HS3ST4: variants seen among roughly 807,000 people sequenced by gnomAD.
HS3ST4 encodes the protein heparan sulfate glucosamine 3-O-sulfotransferase 4.
Under a neutral mutation model 29.2 loss-of-function variants are expected in HS3ST4, and 17 were observed. The observed-to-expected ratio is 0.58, with a 90% CI of 0.40 to 0.87. HS3ST4 has a LOEUF of 0.87. Ranked by LOEUF, HS3ST4 falls within the 40% of genes least tolerant of loss-of-function variation. The pLI is 0.00. For synonymous variants in HS3ST4, 314 were observed against 285.7 expected (o/e 1.10, Z -1.00); for missense variants, 627 against 634.5 (o/e 0.99, Z 0.13).
intron 1 of HS3ST4, among the ~76,000 whole-genome samples, chr16:25,896,166 A>G (rs1968062177): frequency 6.6e-6 from 1 of 152,240 alleles, no homozygotes; most frequent in Non-Finnish European, 1.5e-5. Flanking sequence ...TACCACAAAC[A>G]TGACTATGAA....
chr16:26,036,501 C>T (rs1027766371), intron 1 of HS3ST4, among the ~76,000 whole-genome samples: 2 of 152,224 alleles, frequency 1.3e-5, no homozygotes, highest in Non-Finnish European at 2.9e-5. Context: ...GTGTTTTTCT[C>T]ACCCACCTGC....
intron 1 of HS3ST4, among the ~76,000 whole-genome samples, chr16:26,126,037 G>A (rs1899339261): frequency 6.6e-6 from 1 of 152,156 alleles, no homozygotes; most frequent in South Asian, 2.1e-4. Context: ...AACCTGGCTT[G>A]AAATTCATGT....
At chr16:25,903,159 C>T (rs962513272) in intron 1 of HS3ST4, among the ~76,000 whole-genome samples, 2 of 151,818 alleles carry the variant, frequency 1.3e-5, no homozygotes, top group Non-Finnish European at 2.9e-5. Context: ...ACTCCTTGCA[C>T]TGTGACATTA....
chr16:25,963,307 C>T (rs1041358505), intron 1 of HS3ST4, among the ~76,000 whole-genome samples: 1 of 152,142 alleles, frequency 6.6e-6, no homozygotes, highest in Non-Finnish European at 1.5e-5. Flanking sequence ...TTCCTGATAG[C>T]TGAATGTCAA....
chr16:25,714,314 G>A (rs967459445), intron 1 of HS3ST4, among the ~76,000 whole-genome samples: 3 of 152,182 alleles, frequency 2.0e-5, no homozygotes, highest in African/African-American at 7.2e-5. Context: ...AGCCGGCTGT[G>A]TCTCCTCCCC....
Position 25,692,859 on chromosome 16 carries a change from G to A in HS3ST4, c.442G>A (p.Glu148Lys). Reference protein sequence around the residue: ...AWLRTPLAPSEMITAQSALPE... With the variant: ...AWLRTPLAPSKMITAQSALPE... The stretch of plus-strand genomic sequence containing the variant: ...GCTCCGGACCCCGCTGGCCCCCAGC[G>A]AGATGATCACGGCTCAGAGCGCGCT... Residue 148 changes from glutamate (E) to lysine (K), a missense_variant, in exon 1 of 2, where the codon GAG (glutamate) becomes AAG (lysine). By Grantham distance (56) the Glu-to-Lys change is moderately conservative (BLOSUM62 1). This residue lies in a region of HS3ST4 where 402 missense variants were observed against 340.8 expected (regional missense o/e 1.18). Coordinates refer to ENST00000331351, the MANE Select transcript of HS3ST4 (RefSeq NM_006040.3). 2.0e-5 allele frequency: 29 copies of A among 1,485,844 alleles called. No individual in the cohort carries two copies. Among genetic ancestry groups the A allele is most frequent in the Non-Finnish European group, 2.4e-5 (27 of 1,117,830 alleles). The allele number at this position is 1,485,844 out of a possible 1,614,324, so 92.0% of individuals were successfully genotyped here. A position where few individuals can be genotyped will look rare whatever the true frequency, so the allele number is the denominator to read the frequency against.
At chr16:25,792,782 G>A (rs7499920) in intron 1 of HS3ST4, among the ~76,000 whole-genome samples, 1 of 151,402 alleles carries the variant, frequency 6.6e-6, no homozygotes, top group Non-Finnish European at 1.5e-5. Flanking sequence ...TTACTTCTTT[G>A]ATTTTCCTTG....
intron 1 of HS3ST4, among the ~76,000 whole-genome samples, chr16:25,722,389 A>C (rs746305996): frequency 6.6e-6 from 1 of 152,122 alleles, no homozygotes; most frequent in Non-Finnish European, 1.5e-5. Flanking sequence ...TACTAACACC[A>C]TTTTATTTGT....
intron 1 of HS3ST4, among the ~76,000 whole-genome samples, chr16:25,750,491 C>G (rs1402140986): frequency 6.6e-6 from 1 of 152,160 alleles, no homozygotes; most frequent in Non-Finnish European, 1.5e-5. Flanking sequence ...AACTGTTAGA[C>G]CTGATGCTAC....
chr16:26,120,671 G>A lies in HS3ST4; in HGVS notation c.735-14941G>A, dbSNP rs139770292. Among the ~76,000 whole-genome samples, 11 of 152,304 alleles carry A rather than the reference G, an allele frequency of 7.2e-5. No homozygotes were observed. The East Asian group carries it at 7.7e-4, about 11-fold the overall frequency. On this transcript the variant is annotated intron_variant, in intron 1 of 1. Coordinates refer to ENST00000331351, the MANE Select transcript of HS3ST4 (RefSeq NM_006040.3). ...GATGAATGTTTCCATGTTGACTGAC[G>A]TGTTTTACAAGTTTCTGCAGCCAGG...
intron 1 of HS3ST4, among the ~76,000 whole-genome samples, chr16:25,838,946 G>A (rs1967387810): frequency 6.6e-6 from 1 of 152,064 alleles, no homozygotes; most frequent in Non-Finnish European, 1.5e-5. Context: ...AAATCAAATC[G>A]GTCTTGGCAC....
chr16:25,807,869 G>A (rs1967003896), intron 1 of HS3ST4, among the ~76,000 whole-genome samples: 1 of 152,090 alleles, frequency 6.6e-6, no homozygotes, highest in African/African-American at 2.4e-5. Context: ...ATCTCATTGT[G>A]ATTTTAATTT....
chr16:25,999,093 A>G (rs985937965), intron 1 of HS3ST4, among the ~76,000 whole-genome samples: 3 of 152,100 alleles, frequency 2.0e-5, no homozygotes, highest in Admixed American at 1.3e-4. Flanking sequence ...TTATATTTTT[A>G]CTAGCTAATT....
intron 1 of HS3ST4, among the ~76,000 whole-genome samples, chr16:25,877,632 A>G (rs2141662552): frequency 6.6e-6 from 1 of 152,268 alleles, no homozygotes; most frequent in East Asian, 1.9e-4. Context: ...CTTACCTAGA[A>G]CCTTTGGAGG....
At chr16:25,908,918 C>T (rs1363558632) in intron 1 of HS3ST4, among the ~76,000 whole-genome samples, 2 of 152,132 alleles carry the variant, frequency 1.3e-5, no homozygotes, top group Non-Finnish European at 2.9e-5. Context: ...GACAGAAGTC[C>T]ATTTGGACAA....
chr16:25,752,384 G>A (rs1425650648), intron 1 of HS3ST4, among the ~76,000 whole-genome samples: 1 of 152,136 alleles, frequency 6.6e-6, no homozygotes, highest in Non-Finnish European at 1.5e-5. Flanking sequence ...TGAAAAATGA[G>A]TCCTTAGAGT....
intron 1 of HS3ST4, among the ~76,000 whole-genome samples, chr16:25,923,857 A>T (rs7191562): frequency 3.3e-5 from 5 of 152,114 alleles, no homozygotes; most frequent in Non-Finnish European, 7.3e-5. Context: ...TGTAACATCC[A>T]TCATGCTTAA....
At chr16:25,707,385 C>A (rs780974036) in intron 1 of HS3ST4, among the ~76,000 whole-genome samples, 3 of 151,908 alleles carry the variant, frequency 2.0e-5, no homozygotes, top group Non-Finnish European at 4.4e-5. Context: ...CTTACTGTAC[C>A]TAATTTATAA....
chr16:25,830,112 A>G (rs535560623), intron 1 of HS3ST4, among the ~76,000 whole-genome samples: 1 of 152,344 alleles, frequency 6.6e-6, no homozygotes, highest in African/African-American at 2.4e-5. Flanking sequence ...GGCATGAACC[A>G]CCACACCCAG....
Sources: gnomAD v4.1 joint callset for allele counts (sites outside exome capture counted in the v4.1 genomes callset) on GRCh38, gnomAD v4.1.1 for gene constraint, gnomAD v4.1.1 regional missense constraint, MANE v1.5 for transcripts, NCBI Gene and HGNC (gene_info 2026-07-23, HGNC 2026-07-21) for gene names.